ZNF257: variants seen among roughly 807,000 people sequenced by gnomAD.
The protein encoded by ZNF257 is zinc finger protein 257.
A neutral mutation model predicts 11.9 loss-of-function variants in ZNF257; 12 were observed. The observed-to-expected ratio is 1.01, with a 90% confidence interval of 0.65 to 1.63. ZNF257 has a LOEUF of 1.63. ZNF257 is among the 40% of genes most tolerant of loss of function. The pLI, the probability that ZNF257 is intolerant of heterozygous loss-of-function variation, is 0.00. For missense variants in ZNF257, 580 were observed against 665.5 expected (o/e 0.87, Z 1.41); for synonymous variants, 183 against 222.7 (o/e 0.82, Z 1.59).
intron 1 of ZNF257, chr19:22,065,717 A>C (rs2021926543): frequency 6.6e-6 from 1 of 152,220 alleles, no homozygotes; most frequent in South Asian, 2.1e-4. Flanking sequence ...ATTACAGGAC[A>C]AACACAGGTG....
rs1049196432 is a variant in ZNF257 at position 22,089,647 on chromosome 19, C to G, written c.*205C>G. ...TTGAAATGTGATGAATGTGGCATAG[C>G]CTCTTCCCAGTTCTCAACTCTTACT... is the stretch of plus-strand genomic sequence containing the variant. On this transcript the variant is annotated 3_prime_UTR_variant, in exon 4 of 4. Transcript: ENST00000594947. The G allele has an allele frequency of 7.5e-7, 1 of 1,332,688 alleles. No homozygotes were observed. Among genetic ancestry groups the G allele is most frequent in the Non-Finnish European group, 9.9e-7 (1 of 1,009,486 alleles). 82.6% of individuals were successfully genotyped at this position (1,332,688 alleles called of 1,614,324 possible).
intron 3 of ZNF257, among the ~76,000 whole-genome samples, chr19:22,082,662 G>A (rs905966585): frequency 6.6e-6 from 1 of 152,008 alleles, no homozygotes; most frequent in African/African-American, 2.4e-5. Context: ...AGTAAACTCT[G>A]TATTACTTTT....
chr19:22,058,051 C>T (rs1386325110), intron 1 of ZNF257, among the ~76,000 whole-genome samples: 2 of 152,066 alleles, frequency 1.3e-5, no homozygotes, highest in Non-Finnish European at 2.9e-5. Context: ...CATAAGCCAC[C>T]GCGCCTAGCC....
intron 3 of ZNF257, among the ~76,000 whole-genome samples, chr19:22,085,115 C>T (rs758635439): frequency 6.6e-5 from 10 of 151,854 alleles, no homozygotes; most frequent in Admixed American, 1.3e-4. Context: ...TTCAGTGGCG[C>T]GATTTCTGCT....
chr19:22,072,786 G>A lies in ZNF257; in HGVS notation c.4-23G>A, dbSNP rs780405664. 34 of 1,604,112 alleles carry A rather than the reference G, an allele frequency of 2.1e-5. No homozygotes were observed. In the Admixed American group the frequency reaches 4.5e-4, roughly 21 times the overall value. On this transcript the variant is annotated intron_variant, in intron 1 of 3. Coordinates refer to ENST00000594947, the MANE Select transcript of ZNF257 (RefSeq NM_033468.4). ...CTGACCACTTGGTAAATATATGTGT[G>A]TCTGTGTTTGTGTGTTTTTCAGGGA...
chr19:22,065,273 C>T (rs2021913215), intron 1 of ZNF257, among the ~76,000 whole-genome samples: 1 of 151,996 alleles, frequency 6.6e-6, no homozygotes, highest in African/African-American at 2.4e-5. Context: ...GATCTCAGCT[C>T]ACCACAACCT....
At chr19:22,068,254 A>G (rs375640845) in intron 1 of ZNF257, among the ~76,000 whole-genome samples, 3 of 150,948 alleles carry the variant, frequency 2.0e-5, no homozygotes, top group Non-Finnish European at 1.5e-5. Context: ...CCCAGGTTAC[A>G]GTCCTCAAAG....
rs1363782393 is a variant in ZNF257, at chr19:22,064,624, A to T, written c.4-8185A>T. On this transcript the variant is annotated intron_variant, in intron 1 of 3. Transcript: ENST00000594947. The stretch of plus-strand genomic sequence containing the variant: ...CTAATATTTTCAGGCTGAAGTACTC[A>T]CACTGCAAAAGAAAGCAGTTCAGTA... 2.0e-5 allele frequency among the ~76,000 whole-genome samples: 3 copies of T among 152,258 alleles called. No individual in the cohort carries two copies. In the East Asian group the frequency reaches 5.8e-4, roughly 29 times the overall value.
Position 22,089,695 on chromosome 19 carries a change from G to A in ZNF257, c.*253G>A. ...ACTAAACATGAGAACACATGTGGAA[G>A]ATAAAGCCTACAAATATGAAGAATG... On this transcript the variant is annotated 3_prime_UTR_variant, in exon 4 of 4. Transcript: ENST00000594947. 1 of 863,226 alleles carries A rather than the reference G, an allele frequency of 1.2e-6. No homozygotes were observed. The highest frequency in any genetic ancestry group is 1.6e-6 in the Non-Finnish European group (1 of 610,056). 53.5% of individuals were successfully genotyped at this position (863,226 alleles called of 1,614,324 possible). A position where few individuals can be genotyped will look rare whatever the true frequency, so the allele number is the denominator to read the frequency against.
chr19:22,068,330 T>C (rs2022016314), intron 1 of ZNF257, among the ~76,000 whole-genome samples: 1 of 152,086 alleles, frequency 6.6e-6, no homozygotes, highest in South Asian at 2.1e-4. Flanking sequence ...GGCAGACATA[T>C]TACTTAGGAT....
At chr19:22,059,539 G>A (rs954567870) in intron 1 of ZNF257, among the ~76,000 whole-genome samples, 4 of 151,632 alleles carry the variant, frequency 2.6e-5, no homozygotes, top group Non-Finnish European at 5.9e-5. Flanking sequence ...CACCCACCTC[G>A]GCCTCCCAAA....
chr19:22,061,114 T>G (rs1056196491), intron 1 of ZNF257, among the ~76,000 whole-genome samples: 9 of 152,044 alleles, frequency 5.9e-5, no homozygotes, highest in African/African-American at 1.7e-4. Flanking sequence ...CTCTTTTTTT[T>G]TTGTTCCATA....
rs2022556953 is a variant in ZNF257 at position 22,088,991 on chromosome 19, C to T, written c.1241C>T (p.Ala414Val). Reference protein sequence around the residue: ...EYCKAFNWSSALTTLTQHKII... With the variant: ...EYCKAFNWSSVLTTLTQHKII... Reference sequence around the variant, plus strand: ...TGCAAAGCTTTTAACTGGTCCTCAGCTCTTACTACCCTTACTCAGCATAAG... The same window carrying T: ...TGCAAAGCTTTTAACTGGTCCTCAGTTCTTACTACCCTTACTCAGCATAAG... The change falls in exon 4 of 4, where the codon GCT becomes GTT. Residue 414 changes from alanine to valine, a missense_variant. Physicochemically the swap from Ala to Val is moderately conservative, Grantham distance 64 (BLOSUM62 0). Transcript: ENST00000594947. 6.2e-7 allele frequency: 1 copy of T among 1,609,864 alleles called. No individual in the cohort carries two copies. Among genetic ancestry groups the T allele is most frequent in the African/African-American group, 1.4e-5 (1 of 73,396 alleles).
At chr19:22,082,061 G>A (rs2022371712) in intron 3 of ZNF257, among the ~76,000 whole-genome samples, 1 of 148,288 alleles carries the variant, frequency 6.7e-6, no homozygotes, top group South Asian at 2.1e-4. Flanking sequence ...ACATCTTAAG[G>A]TTAAAACAAT....
chr19:22,073,620 C>T (rs2022160726), intron 3 of ZNF257, 56 bp downstream of exon 3: 1 of 1,559,686 alleles, frequency 6.4e-7, no homozygotes, highest in African/African-American at 1.4e-5. Flanking sequence ...ATCCACAGGT[C>T]AAGGAGAAAG....
At chr19:22,078,165 G>A (rs911324227) in intron 3 of ZNF257, among the ~76,000 whole-genome samples, 6 of 148,750 alleles carry the variant, frequency 4.0e-5, no homozygotes, top group Admixed American at 2.1e-4. Context: ...TTGTACCCGG[G>A]AAATGAAGGT....
At chr19:22,064,237 T>C (rs1408521711) in intron 1 of ZNF257, 1 of 152,176 alleles carries the variant, frequency 6.6e-6, no homozygotes, top group African/African-American at 2.4e-5. Context: ...TTTATTCTTC[T>C]ACCTTGAAAT....
At position 22,061,545 on chromosome 19, in the gene ZNF257, A is replaced by G. The variant is rs377097844; in HGVS notation, c.3+8910A>G. Among the ~76,000 whole-genome samples, 23 of 151,588 alleles carry G rather than the reference A, an allele frequency of 1.5e-4. No individual in the cohort carries two copies. The South Asian group carries it at 4.6e-3, about 30-fold the overall frequency. On this transcript the variant is annotated intron_variant, in intron 1 of 3. Transcript: ENST00000594947. ...TTTAAAGAGCTTTTCTGTCACGACT[A>G]TAGTCTTTTCTAGATACAGAATCAT... is the stretch of plus-strand genomic sequence containing the variant.
chr19:22,078,998 G>A (rs2022298249), intron 3 of ZNF257, among the ~76,000 whole-genome samples: 2 of 151,960 alleles, frequency 1.3e-5, no homozygotes, highest in South Asian at 4.1e-4. Context: ...CTCCATGTTG[G>A]TCAGGCTGGT....
Sources: gnomAD v4.1 joint callset for allele counts (sites outside exome capture counted in the v4.1 genomes callset) on GRCh38, gnomAD v4.1.1 for gene constraint, MANE v1.5 for transcripts, NCBI Gene and HGNC (gene_info 2026-07-23, HGNC 2026-07-21) for gene names.